Variants in CADPS observed in about 807,000 individuals in gnomAD.
CADPS encodes calcium-dependent secretion activator 1.
CADPS carries 57 observed loss-of-function variants against 167.3 expected under a neutral mutation model. The observed-to-expected ratio is 0.34, with a 90% confidence interval of 0.28 to 0.42. The LOEUF (loss-of-function observed/expected upper bound fraction) is 0.42, where lower values mean the gene tolerates loss of function less well. Among genes scored for constraint, CADPS ranks in the 20% least tolerant of loss-of-function variants. The pLI is 1.00. For synonymous variants in CADPS, 676 were observed against 635.3 expected (o/e 1.06, Z -0.96); for missense variants, 1,414 against 1,738.1 (o/e 0.81, Z 3.32).
rs147051855 is a variant in CADPS at position 62,602,679 on chromosome 3, T to C, written c.1326-9931A>G. On this transcript the variant is annotated intron_variant, in intron 6 of 29. Transcript: ENST00000383710. The surrounding 1 kb of genome is among the most constrained non-coding windows in gnomAD (Gnocchi z 4.4). ...CCTCTCATCTACATAAGTGAGGCGT[T>C]TGCTTTGTAGAAATTGGGCTGTCTG... Among the ~76,000 whole-genome samples the C allele has an allele frequency of 1.8e-3, 278 of 152,282 alleles. 3 individuals carry two copies. Among genetic ancestry groups the C allele is most frequent in the African/African-American group, 6.4e-3 (265 of 41,564 alleles).
At chr3:62,855,494 A>G (rs2079507054) in intron 1 of CADPS, among the ~76,000 whole-genome samples, 2 of 152,142 alleles carry the variant, frequency 1.3e-5, no homozygotes, top group Non-Finnish European at 2.9e-5. Flanking sequence ...AAAGGTAAAA[A>G]CATATTAGAA....
chr3:62,842,552 A>G (rs1274443388), intron 1 of CADPS, among the ~76,000 whole-genome samples: 1 of 152,244 alleles, frequency 6.6e-6, no homozygotes, highest in African/African-American at 2.4e-5. Context: ...AACGATAATC[A>G]AAGTGTTTTT....
At chr3:62,814,149 C>T (rs79072685) in intron 1 of CADPS, among the ~76,000 whole-genome samples, 7 of 152,092 alleles carry the variant, frequency 4.6e-5, no homozygotes, top group Non-Finnish European at 7.4e-5. Flanking sequence ...TAATATATCA[C>T]CTGAGAAACT....
rs1244661130 is a variant in CADPS, at chr3:62,604,997, CTGTT to C, written c.1326-12253_1326-12250del. Among the ~76,000 whole-genome samples the C allele has an allele frequency of 2.6e-5, 4 of 152,328 alleles. No individual in the cohort carries two copies. The East Asian group carries it at 7.7e-4, about 29-fold the overall frequency. On this transcript the variant is annotated intron_variant, in intron 6 of 29. Coordinates refer to ENST00000383710, the MANE Select transcript of CADPS (RefSeq NM_003716.4). ...CCTATAATTACTTTTGTAACCTGAGCTGTTTGTTATGGTTGCAACTGTGGTTCCC... is the reference window on the plus strand; with the variant it reads ...CCTATAATTACTTTTGTAACCTGAGCTGTTATGGTTGCAACTGTGGTTCCC...
At position 62,426,034 on chromosome 3, in the gene CADPS, T is replaced by A. The variant is rs569983038; in HGVS notation, c.3777+12070A>T. ...GAGCTCTCTGCTACTTGCTATCATGTTTTCTGATCATTTCATCACTGGTAA... is the reference window on the plus strand; with the variant it reads ...GAGCTCTCTGCTACTTGCTATCATGATTTCTGATCATTTCATCACTGGTAA... On this transcript the variant is annotated intron_variant, in intron 28 of 29. Coordinates refer to ENST00000383710, the MANE Select transcript of CADPS (RefSeq NM_003716.4). Among the ~76,000 whole-genome samples the A allele has an allele frequency of 5.9e-5, 9 of 152,350 alleles. No individual in the cohort carries two copies. In the East Asian group the frequency reaches 1.7e-3, roughly 29 times the overall value.
intron 26 of CADPS, among the ~76,000 whole-genome samples, chr3:62,449,750 G>T (rs1311766779): frequency 6.6e-6 from 1 of 151,968 alleles, no homozygotes; most frequent in Non-Finnish European, 1.5e-5. Flanking sequence ...ATATAATATA[G>T]TAGCTTTTTG....
intron 28 of CADPS, among the ~76,000 whole-genome samples, chr3:62,437,695 G>T (rs2055418743): frequency 6.6e-6 from 1 of 152,186 alleles, no homozygotes; most frequent in South Asian, 2.1e-4. Context: ...CACAGCTGGT[G>T]TCAGGGAGGC....
chr3:62,549,359 T>A (rs766090349), intron 11 of CADPS, among the ~76,000 whole-genome samples: 22 of 151,574 alleles, frequency 1.5e-4, no homozygotes, highest in Non-Finnish European at 2.5e-4. Flanking sequence ...AAAACTCGAA[T>A]ATGAACTGGG....
chr3:62,729,390 G>A (rs1000512289), intron 3 of CADPS, among the ~76,000 whole-genome samples: 1 of 151,816 alleles, frequency 6.6e-6, no homozygotes, highest in African/African-American at 2.4e-5. Context: ...AACCACAAAG[G>A]TGCAGAGCAG....
intron 11 of CADPS, 56 bp from the exon 12 acceptor site, chr3:62,536,637 C>A: frequency 6.4e-7 from 1 of 1,561,762 alleles, no homozygotes; most frequent in East Asian, 2.2e-5. Flanking sequence ...ATCACATTTT[C>A]TTTGACATTT....
intron 3 of CADPS, among the ~76,000 whole-genome samples, chr3:62,670,080 A>G (rs1431681516): frequency 2.0e-5 from 3 of 152,316 alleles, no homozygotes; most frequent in Non-Finnish European, 4.4e-5. Flanking sequence ...CCTGTGACAC[A>G]TATTCACTGT....
At chr3:62,468,881 G>A (rs183691379) in intron 24 of CADPS, among the ~76,000 whole-genome samples, 32 of 152,232 alleles carry the variant, frequency 2.1e-4, no homozygotes, top group Admixed American at 1.6e-3. Context: ...CATTTTTGCA[G>A]TGGGGCTAGA....
intron 9 of CADPS, among the ~76,000 whole-genome samples, chr3:62,560,973 G>A (rs944342280): frequency 2.6e-5 from 4 of 151,648 alleles, no homozygotes; most frequent in African/African-American, 9.7e-5. Context: ...CAGCTACTCC[G>A]GAGGCTGAGG....
chr3:62,772,840 T>C (rs1237947082), intron 1 of CADPS, among the ~76,000 whole-genome samples: 1 of 152,192 alleles, frequency 6.6e-6, no homozygotes, highest in Non-Finnish European at 1.5e-5. Context: ...AGCAGCATTC[T>C]AAGCATAGGC....
intron 1 of CADPS, among the ~76,000 whole-genome samples, chr3:62,851,846 C>T (rs371648240): frequency 4.0e-5 from 6 of 151,554 alleles, no homozygotes; most frequent in Admixed American, 3.3e-4. Context: ...GGGAAGTTCT[C>T]CTGGATAACA....
chr3:62,442,859 GGATT>G (rs2056584974), intron 27 of CADPS, among the ~76,000 whole-genome samples: 1 of 151,728 alleles, frequency 6.6e-6, no homozygotes, highest in Non-Finnish European at 1.5e-5. Context: ...ACCCCTCCTA[GGATT>G]GATTTCAGAA....
intron 6 of CADPS, among the ~76,000 whole-genome samples, chr3:62,617,775 T>C (rs1349518854): frequency 6.6e-6 from 1 of 152,148 alleles, no homozygotes; most frequent in African/African-American, 2.4e-5. Context: ...CTTAGGTTGC[T>C]GAAGAAAGGG....
At chr3:62,432,918 T>C (rs1209922096) in intron 28 of CADPS, among the ~76,000 whole-genome samples, 1 of 152,170 alleles carries the variant, frequency 6.6e-6, no homozygotes, top group Non-Finnish European at 1.5e-5. Flanking sequence ...TAGAATGCCA[T>C]ATGCCTTGAA....
intron 1 of CADPS, among the ~76,000 whole-genome samples, chr3:62,817,718 T>C (rs1042018217): frequency 1.3e-5 from 2 of 152,144 alleles, no homozygotes; most frequent in African/African-American, 4.8e-5. Flanking sequence ...AGTATGAAAA[T>C]TCAAGAAATT....
Sources: allele counts gnomAD v4.1 joint callset (sites outside exome capture counted in the v4.1 genomes callset), GRCh38; gene constraint gnomAD v4.1.1; non-coding constraint Gnocchi (gnomAD v3.1); transcripts MANE v1.5; gene names NCBI Gene and HGNC (gene_info 2026-07-23, HGNC 2026-07-21).